GNA12: variants seen among roughly 807,000 people sequenced by gnomAD.
The protein encoded by GNA12 is guanine nucleotide-binding protein subunit alpha-12.
Under a neutral mutation model 26.0 loss-of-function variants are expected in GNA12, and 9 were observed. That is an observed-to-expected ratio of 0.35 (90% CI 0.21 to 0.60). The LOEUF is 0.60. Ranked by LOEUF, GNA12 falls within the 20% of genes least tolerant of loss-of-function variation. The pLI is 0.78. For missense variants in GNA12, 405 were observed against 525.8 expected (o/e 0.77, Z 2.25); for synonymous variants, 264 against 219.6 (o/e 1.20, Z -1.79).
intron 2 of GNA12, chr7:2,764,517 T>C (rs979451778): frequency 1.6e-4 from 24 of 152,236 alleles, no homozygotes; most frequent in African/African-American, 5.3e-4. Context: ...TCACAGTGGT[T>C]GTGGTCGGGC....
At chr7:2,840,422 G>C (rs932482396) in intron 1 of GNA12, among the ~76,000 whole-genome samples, 4 of 152,166 alleles carry the variant, frequency 2.6e-5, no homozygotes, top group South Asian at 2.1e-4. Flanking sequence ...TATTTGAAAG[G>C]ATCAGGCACG....
chr7:2,821,234 A>G (rs1348219103), intron 1 of GNA12, among the ~76,000 whole-genome samples: 1 of 152,230 alleles, frequency 6.6e-6, no homozygotes, highest in African/African-American at 2.4e-5. Flanking sequence ...GAATCATTCC[A>G]ATCACTCCTG....
intron 1 of GNA12, among the ~76,000 whole-genome samples, chr7:2,799,482 T>A (rs539547572): frequency 5.9e-5 from 9 of 152,274 alleles, no homozygotes; most frequent in African/African-American, 2.2e-4. Flanking sequence ...CTCAGGAGGC[T>A]GAGGCATGAA....
chr7:2,796,949 A>G (rs1792691626), intron 1 of GNA12, among the ~76,000 whole-genome samples: 1 of 152,182 alleles, frequency 6.6e-6, no homozygotes, highest in African/African-American at 2.4e-5. Flanking sequence ...TGAGGGGCAC[A>G]CTGCATACTC....
chr7:2,830,100 C>T (rs796356558), intron 1 of GNA12, among the ~76,000 whole-genome samples: 20 of 152,290 alleles, frequency 1.3e-4, no homozygotes, highest in African/African-American at 4.1e-4. Context: ...AACTTTTCCC[C>T]GGCTTCTATT....
intron 2 of GNA12, among the ~76,000 whole-genome samples, chr7:2,739,800 G>A (rs55832916): frequency 0.11 from 16,206 of 152,182 alleles, 1,002 homozygotes; most frequent in Middle Eastern, 0.18. Context: ...AGCCTCCCAA[G>A]TAGCTGGATT....
At chr7:2,825,784 C>T (rs2114967689) in intron 1 of GNA12, among the ~76,000 whole-genome samples, 1 of 152,268 alleles carries the variant, frequency 6.6e-6, no homozygotes, top group South Asian at 2.1e-4. Flanking sequence ...GGTGGGGCCG[C>T]AGACACAAAG....
chr7:2,732,669 A>T (rs2115285382), intron 3 of GNA12, among the ~76,000 whole-genome samples: 1 of 152,334 alleles, frequency 6.6e-6, no homozygotes, highest in Admixed American at 6.5e-5. Flanking sequence ...CTCGATCTAG[A>T]GGTCTGACTA....
At chr7:2,809,671 C>G (rs1280172162) in intron 1 of GNA12, among the ~76,000 whole-genome samples, 1 of 152,054 alleles carries the variant, frequency 6.6e-6, no homozygotes, top group African/African-American at 2.4e-5. Flanking sequence ...AATGAAAAAG[C>G]CTATTGACAG....
intron 1 of GNA12, among the ~76,000 whole-genome samples, chr7:2,801,310 A>G (rs1043481157): frequency 3.3e-5 from 5 of 152,358 alleles, no homozygotes; most frequent in Non-Finnish European, 5.9e-5. Flanking sequence ...TCAGAAGTTA[A>G]ATCAATAACC....
intron 1 of GNA12, among the ~76,000 whole-genome samples, chr7:2,822,329 T>A (rs542137904): frequency 1.1e-3 from 162 of 152,346 alleles, no homozygotes; most frequent in Middle Eastern, 3.4e-3. Flanking sequence ...GGAACTAGCA[T>A]CTGTAGACAG....
At chr7:2,841,286 C>T (rs1485900313) in intron 1 of GNA12, among the ~76,000 whole-genome samples, 7 of 152,192 alleles carry the variant, frequency 4.6e-5, no homozygotes, top group African/African-American at 1.4e-4. Context: ...AGTTTTCTAA[C>T]ACGCACTTCA....
chr7:2,806,686 C>T (rs182275336), intron 1 of GNA12, among the ~76,000 whole-genome samples: 11 of 152,116 alleles, frequency 7.2e-5, no homozygotes, highest in Admixed American at 3.3e-4. Flanking sequence ...ATTTTTCTAG[C>T]GATGTATCGT....
At chr7:2,790,100 T>C (rs934064487) in intron 2 of GNA12, among the ~76,000 whole-genome samples, 3 of 152,330 alleles carry the variant, frequency 2.0e-5, no homozygotes, top group Non-Finnish European at 4.4e-5. Context: ...CCTGCCTGTG[T>C]CTGCTCCCTC....
At chr7:2,780,072 A>G (rs903234008) in intron 2 of GNA12, among the ~76,000 whole-genome samples, 6 of 133,836 alleles carry the variant, frequency 4.5e-5, no homozygotes, top group African/African-American at 1.2e-4. Flanking sequence ...ATATATATAT[A>G]TATATATATA....
intron 2 of GNA12, among the ~76,000 whole-genome samples, chr7:2,751,520 T>C (rs575052315): frequency 8.9e-4 from 131 of 147,008 alleles, no homozygotes; most frequent in African/African-American, 3.1e-3. Flanking sequence ...AGAAAGAAAA[T>C]AACAAAGATG....
At chr7:2,758,798 A>G (rs1791420357) in intron 2 of GNA12, among the ~76,000 whole-genome samples, 1 of 152,200 alleles carries the variant, frequency 6.6e-6, no homozygotes. Context: ...TACTCATCTA[A>G]TAGAACACCA....
chr7:2,786,021 C>T (rs969571343), intron 2 of GNA12, among the ~76,000 whole-genome samples: 6 of 152,170 alleles, frequency 3.9e-5, no homozygotes, highest in Non-Finnish European at 5.9e-5. Context: ...GAGCTGAGAT[C>T]GCACCACTGC....
At chr7:2,739,625 T>A (rs1790398288) in intron 2 of GNA12, among the ~76,000 whole-genome samples, 1 of 152,184 alleles carries the variant, frequency 6.6e-6, no homozygotes, top group South Asian at 2.1e-4. Context: ...TGAATATCTG[T>A]TTTCATTTCT....
Sources: gnomAD v4.1 joint callset for allele counts (sites outside exome capture counted in the v4.1 genomes callset) on GRCh38, gnomAD v4.1.1 for gene constraint, MANE v1.5 for transcripts, NCBI Gene and HGNC (gene_info 2026-07-23, HGNC 2026-07-21) for gene names.